The following BCL7B variants were observed in gnomAD, a reference collection of about 807,000 sequenced individuals.
The protein encoded by BCL7B is BAF chromatin remodeling complex subunit BCL7B.
In BCL7B, 11 loss-of-function variants were observed where a neutral mutation model predicts 26.5. The observed-to-expected ratio is 0.42, with a 90% CI of 0.26 to 0.69. BCL7B has a LOEUF of 0.69. BCL7B is among the 30% of genes least tolerant of loss of function. BCL7B has a pLI of 0.28. For missense variants in BCL7B, 215 were observed against 264.4 expected, an observed-to-expected ratio of 0.81 and a Z score of 1.30; for synonymous variants, 111 against 107.9, an observed-to-expected ratio of 1.03 and a Z score of -0.18.
At chr7:73,557,459 G>A (rs1554584886) in intron 1 of BCL7B, 28 bp downstream of exon 1, 4 of 1,250,150 alleles carry the variant, frequency 3.2e-6, no homozygotes, top group East Asian at 3.9e-5. Context: ...CGCGACCCCC[G>A]CCAGCCCCCT....
rs1402782008 is a variant in BCL7B, at chr7:73,536,676, T to TG, written c.*621dup. The TG allele has an allele frequency of 5.9e-5, 9 of 152,596 alleles. No homozygotes were observed. Among genetic ancestry groups the TG allele is most frequent in the African/African-American group, 1.9e-4 (8 of 41,384 alleles). The allele number at this position is 152,596 out of a possible 1,614,324, so 9.5% of individuals were successfully genotyped here. On this transcript the variant is annotated 3_prime_UTR_variant, in exon 6 of 6. Transcript: ENST00000223368. Reference sequence around the variant, plus strand: ...AGATGTGTGTGCTGAGGGCAGGGGATGGGGACGGCGGCCACAAAGGGCTGT... The same window carrying TG: ...AGATGTGTGTGCTGAGGGCAGGGGATGGGGGACGGCGGCCACAAAGGGCTGT...
rs1438357944 is a variant in BCL7B, at chr7:73,557,344, G to A, written c.92+143C>T. On this transcript the variant is annotated intron_variant, in intron 1 of 5. Transcript: ENST00000223368. ...GCGCGCCCTCTGACCTCACGCCGAC[G>A]CCAGCGGCGCCCTCCTCCCGCCTTC... 351 of 1,177,846 alleles carry A rather than the reference G, an allele frequency of 3.0e-4. 1 individual carries two copies. The Admixed American group carries it at 5.1e-3, about 17-fold the overall frequency. 73.0% of individuals were successfully genotyped at this position (1,177,846 alleles called of 1,614,324 possible).
At position 73,557,474 on chromosome 7, in the gene BCL7B, TC is replaced by T; in HGVS notation, c.92+12del. 1 of 1,379,452 alleles carries T rather than the reference TC, an allele frequency of 7.2e-7. No homozygotes were observed. Among genetic ancestry groups the T allele is most frequent in the Non-Finnish European group, 9.5e-7 (1 of 1,052,684 alleles). The allele number at this position is 1,379,452 out of a possible 1,614,324, so 85.5% of individuals were successfully genotyped here. On this transcript the variant is annotated intron_variant, in intron 1 of 5. Coordinates refer to ENST00000223368, the MANE Select transcript of BCL7B (RefSeq NM_001707.4). ...CGCGACCCCCGCCAGCCCCCTAAGCTCCGGCCCCTCACCATTTCCGCACTTT... is the reference window on the plus strand; with the variant it reads ...CGCGACCCCCGCCAGCCCCCTAAGCTCGGCCCCTCACCATTTCCGCACTTT...
At chr7:73,542,826 G>C (rs1554583017) in intron 3 of BCL7B, 1 of 441,484 alleles carries the variant, frequency 2.3e-6, no homozygotes, top group Admixed American at 2.5e-5. Context: ...GCTCATGCTT[G>C]TACCTTGGGA....
Position 73,539,893 on chromosome 7 carries a change from T to A in BCL7B, c.425A>T (p.Glu142Val), listed in dbSNP as rs1554582603. 2.5e-6 allele frequency: 4 copies of A among 1,613,362 alleles called. No individual in the cohort carries two copies. The Admixed American group carries it at 5.0e-5, about 20-fold the overall frequency. ...DDSQPPTLGQ[E>V]ILEEPSLPSS... is the part of the protein sequence containing the mutation. The stretch of plus-strand genomic sequence containing the variant: ...CAACCACGACTCACCCTCCAGGATC[T>A]CCTGGCCCAGCGTTGGGGGCTGGGA... Residue 142 changes from glutamate (E) to valine (V), a missense_variant, in exon 4 of 6, where the codon GAG becomes GTG. Glu to Val is a moderately radical substitution (Grantham distance 121). Transcript: ENST00000223368.
chr7:73,543,664 G>A lies in BCL7B; in HGVS notation c.169-20C>T. The A allele has an allele frequency of 6.2e-7, 1 of 1,600,602 alleles. No homozygotes were observed. On this transcript the variant is annotated intron_variant, in intron 2 of 5. Transcript: ENST00000223368. ...TTCTTTCTAGAAAAGGAAAAAAAGA[G>A]GAATATGACAGAGCCAAGCAGGAGA...
intron 1 of BCL7B, among the ~76,000 whole-genome samples, chr7:73,553,336 G>A (rs1554584371): frequency 6.6e-6 from 1 of 152,066 alleles, no homozygotes. Context: ...GGTGTGAAAT[G>A]TTAGGAACCT....
At chr7:73,541,698 C>T (rs1480121282) in intron 3 of BCL7B, among the ~76,000 whole-genome samples, 1 of 152,078 alleles carries the variant, frequency 6.6e-6, no homozygotes. Flanking sequence ...AACTCCTGAC[C>T]TCAGGTAATC....
chr7:73,552,624 A>C (rs1406596328), intron 1 of BCL7B, among the ~76,000 whole-genome samples: 1 of 152,034 alleles, frequency 6.6e-6, no homozygotes, highest in East Asian at 1.9e-4. Context: ...ACAAAAAAAA[A>C]ACAAAAAGTA....
At chr7:73,545,557 T>G (rs2115774515) in intron 2 of BCL7B, among the ~76,000 whole-genome samples, 1 of 152,168 alleles carries the variant, frequency 6.6e-6, no homozygotes, top group African/African-American at 2.4e-5. Context: ...TCTACTCCTG[T>G]CTATACACAA....
chr7:73,540,106 A>G (rs1791700502), intron 3 of BCL7B, 54 bp from the exon 4 acceptor site: 1 of 1,573,506 alleles, frequency 6.4e-7, no homozygotes, highest in African/African-American at 1.3e-5. Context: ...TTTCCTCAAG[A>G]GGAACTCTGG....
In BCL7B at chr7:73,537,876, G is replaced by A. The variant is rs535640098; in HGVS notation, c.516+58C>T. On this transcript the variant is annotated intron_variant, in intron 5 of 5. Transcript: ENST00000223368. ...ACTGCACTCTAGTCTGGGCAACAGC[G>A]AGACCCTGCCTTAAACCAAAAAAAC... 15 of 1,315,766 alleles carry A rather than the reference G, an allele frequency of 1.1e-5. No individual in the cohort carries two copies. In the Admixed American group the frequency reaches 1.5e-4, roughly 13 times the overall value. 81.5% of individuals were successfully genotyped at this position (1,315,766 alleles called of 1,614,324 possible).
intron 3 of BCL7B, 72 bp from the exon 4 acceptor site, chr7:73,540,124 C>A: frequency 6.6e-7 from 1 of 1,516,642 alleles, no homozygotes; most frequent in Non-Finnish European, 8.9e-7. Context: ...TGGACAGAGC[C>A]AAGGGCCTGG....
chr7:73,539,453 T>C (rs896154447), intron 4 of BCL7B, among the ~76,000 whole-genome samples: 2 of 152,084 alleles, frequency 1.3e-5, no homozygotes, highest in South Asian at 2.1e-4. Flanking sequence ...GGTTTTGCCA[T>C]GTTGGTCAGG....
chr7:73,552,088 G>A (rs1400157428), intron 2 of BCL7B, 79 bp downstream of exon 2: 21 of 1,174,432 alleles, frequency 1.8e-5, no homozygotes, highest in Middle Eastern at 2.0e-4. Context: ...GCGAGACTCC[G>A]TCCCAAAAAA....
chr7:73,547,375 A>G (rs139557368), intron 2 of BCL7B, among the ~76,000 whole-genome samples: 1 of 152,236 alleles, frequency 6.6e-6, no homozygotes, highest in African/African-American at 2.4e-5. Context: ...AGACATAACT[A>G]TTTCTTGAGC....
At chr7:73,557,153 A>G (rs1453087114) in intron 1 of BCL7B, 3 of 1,010,520 alleles carry the variant, frequency 3.0e-6, no homozygotes, top group Non-Finnish European at 3.5e-6. Context: ...GCCACTGCCC[A>G]GGAAGAGGGG....
chr7:73,539,633 G>T (rs1315403151), intron 4 of BCL7B: 1 of 444,102 alleles, frequency 2.3e-6, no homozygotes, highest in Non-Finnish European at 4.0e-6. Context: ...CAGGATTTTT[G>T]AGAGAATTAT....
intron 2 of BCL7B, chr7:73,543,869 T>C (rs2115765166): frequency 2.1e-6 from 1 of 485,210 alleles, no homozygotes; most frequent in Non-Finnish European, 3.8e-6. Flanking sequence ...CTGTGAATCA[T>C]AAGCAACAGG....
Sources: gnomAD v4.1 joint callset for allele counts (sites outside exome capture counted in the v4.1 genomes callset) on GRCh38, gnomAD v4.1.1 for gene constraint, MANE v1.5 for transcripts, NCBI Gene and HGNC (gene_info 2026-07-23, HGNC 2026-07-21) for gene names.